Variants in C3orf22 observed in about 807,000 individuals in gnomAD.
The protein encoded by C3orf22 is uncharacterized protein C3orf22.
C3orf22 carries 7 observed loss-of-function variants against 10.8 expected under a neutral mutation model. The ratio of observed to expected loss-of-function variants is 0.65; its 90% CI spans 0.37 to 1.22. C3orf22 has a LOEUF of 1.22. C3orf22 is among the 50% of genes most tolerant of loss of function. The pLI, the probability that C3orf22 is intolerant of heterozygous loss-of-function variation, is 0.02. For missense variants in C3orf22, 173 were observed against 177.0 expected, an observed-to-expected ratio of 0.98 and a Z score of 0.13; for synonymous variants, 79 against 78.9, an observed-to-expected ratio of 1.00 and a Z score of 0.00.
At chr3:126,545,512 T>C (rs1018637063), downstream of C3orf22, among the ~76,000 whole-genome samples, 4 of 152,380 alleles carry the variant, frequency 2.6e-5, no homozygotes, top group African/African-American at 9.6e-5. Context: ...GAGAGGGATG[T>C]TTCCAATGCT....
At chr3:126,549,434 T>C (rs568202268), downstream of C3orf22, 2 of 419,058 alleles carry the variant, frequency 4.8e-6, no homozygotes, top group African/African-American at 2.0e-5. Flanking sequence ...CCGGGAGTAG[T>C]TGTATAATTT....
chr3:126,543,749 T>A (rs1269152210), intron 4 of C3orf22, among the ~76,000 whole-genome samples: 1 of 151,938 alleles, frequency 6.6e-6, no homozygotes, highest in African/African-American at 2.4e-5. Flanking sequence ...AGGAATTGTG[T>A]GTATGTGTAT....
intron 4 of C3orf22, among the ~76,000 whole-genome samples, chr3:126,536,896 A>AACACAC (rs10670471): frequency 0.027 from 3,775 of 140,446 alleles, 170 homozygotes; most frequent in African/African-American, 0.091. Flanking sequence ...CACACACACA[A>AACACAC]ACACACACAC....
At chr3:126,541,532 G>A (rs1936955696) in intron 4 of C3orf22, among the ~76,000 whole-genome samples, 1 of 152,150 alleles carries the variant, frequency 6.6e-6, no homozygotes. Context: ...GTCAGAATCC[G>A]TTTCTCCCAA....
intron 1 of C3orf22, among the ~76,000 whole-genome samples, chr3:126,557,877 G>A (rs193230788): frequency 2.0e-5 from 3 of 152,224 alleles, no homozygotes; most frequent in Non-Finnish European, 2.9e-5. Flanking sequence ...CTGGCTAAAG[G>A]GGGTCTTGGT....
chr3:126,557,014 C>CCA (rs148453800), intron 1 of C3orf22, among the ~76,000 whole-genome samples: 1 of 151,520 alleles, frequency 6.6e-6, no homozygotes, highest in Non-Finnish European at 1.5e-5. Flanking sequence ...ACACACAGAC[C>CCA]CACACAAACT....
At chr3:126,546,449 C>T (rs375498501), downstream of C3orf22, among the ~76,000 whole-genome samples, 6 of 152,250 alleles carry the variant, frequency 3.9e-5, no homozygotes, top group South Asian at 2.1e-4. Context: ...TGCTATTTGG[C>T]GATGGGGCCT....
At chr3:126,536,317 G>A (rs1192615996) in intron 4 of C3orf22, 5 of 1,614,082 alleles carry the variant, frequency 3.1e-6, no homozygotes, top group Non-Finnish European at 4.2e-6. Flanking sequence ...GTGGGGAGAA[G>A]AGAAGCCCCC....
chr3:126,542,040 G>A, intron 4 of C3orf22: 1 of 1,573,872 alleles, frequency 6.4e-7, no homozygotes, highest in East Asian at 2.3e-5. Context: ...ATCAACCGGC[G>A]CCTGCGCGCC....
downstream of C3orf22, among the ~76,000 whole-genome samples, chr3:126,544,895 C>T (rs1231503619): frequency 6.6e-6 from 1 of 152,262 alleles, no homozygotes; most frequent in Non-Finnish European, 1.5e-5. Flanking sequence ...GTACCCTCTG[C>T]TGTATGTGCA....
chr3:126,552,132 C>T lies in C3orf22; in HGVS notation c.90-10G>A. On this transcript the variant is annotated splice_polypyrimidine_tract_variant and intron_variant, in intron 2 of 3. Coordinates refer to ENST00000318225, the MANE Select transcript of C3orf22 (RefSeq NM_152533.3). ...TGTCAGCCACGACAACCTGCAACAGCACTTGGAATGTCAACATGGCCACCA... is the reference window on the plus strand; with the variant it reads ...TGTCAGCCACGACAACCTGCAACAGTACTTGGAATGTCAACATGGCCACCA... The T allele has an allele frequency of 6.2e-7, 1 of 1,613,526 alleles. No individual in the cohort carries two copies.
intron 1 of C3orf22, among the ~76,000 whole-genome samples, chr3:126,557,030 A>ACT (rs1937362585): frequency 6.6e-6 from 1 of 151,876 alleles, no homozygotes; most frequent in African/African-American, 2.4e-5. Flanking sequence ...AAACTCACAT[A>ACT]CACATACACA....
intron 4 of C3orf22, chr3:126,542,407 C>G: frequency 6.4e-7 from 1 of 1,554,420 alleles, no homozygotes; most frequent in Non-Finnish European, 8.7e-7. Context: ...GCGCATCCGA[C>G]CTGAGCTTCC....
At chr3:126,555,199 T>C (rs1937298270) in intron 1 of C3orf22, among the ~76,000 whole-genome samples, 1 of 152,202 alleles carries the variant, frequency 6.6e-6, no homozygotes, top group South Asian at 2.1e-4. Context: ...GTTTGGCTCC[T>C]GTCCTCTCTC....
chr3:126,556,129 A>G (rs1006366597), intron 1 of C3orf22, among the ~76,000 whole-genome samples: 1 of 152,200 alleles, frequency 6.6e-6, no homozygotes, highest in Non-Finnish European at 1.5e-5. Context: ...ACCTGGCTTC[A>G]GCCTGAGATT....
At chr3:126,538,393 G>GGAAA (rs1560141503) in intron 4 of C3orf22, among the ~76,000 whole-genome samples, 1 of 152,104 alleles carries the variant, frequency 6.6e-6, no homozygotes, top group Non-Finnish European at 1.5e-5. Flanking sequence ...TTCACCCTAA[G>GGAAA]GGAGTCTTTC....
Position 126,538,339 on chromosome 3 carries a change from C to A in C3orf22, c.287-8967G>T, listed in dbSNP as rs150343400. Among the ~76,000 whole-genome samples the A allele has an allele frequency of 1.2e-4, 18 of 152,360 alleles. No individual in the cohort carries two copies. The East Asian group carries it at 3.5e-3, about 29-fold the overall frequency. ...CTGCAGACACCTCACAGGAGGGCAT[C>A]CCAGGCAGAAAGTGAGTGGTGGGGT... On this transcript the variant is annotated intron_variant and NMD_transcript_variant, in intron 4 of 5. Coordinates refer to the C3orf22 transcript ENST00000505070.
intron 4 of C3orf22, among the ~76,000 whole-genome samples, chr3:126,539,770 ACAG>A (rs1936896247): frequency 1.9e-5 from 1 of 51,546 alleles, no homozygotes; most frequent in African/African-American, 9.6e-5. Context: ...CACCACACAC[ACAG>A]CACACACACA....
chr3:126,546,685 GA>G (rs200693208), downstream of C3orf22, among the ~76,000 whole-genome samples: 975 of 152,198 alleles, frequency 6.4e-3, 11 homozygotes, highest in African/African-American at 0.022. Context: ...GCCTTCCTTG[GA>G]ACTGGGAGAA....
Sources: allele counts gnomAD v4.1 joint callset (sites outside exome capture counted in the v4.1 genomes callset), GRCh38; gene constraint gnomAD v4.1.1; transcripts MANE v1.5; gene names NCBI Gene and HGNC (gene_info 2026-07-23, HGNC 2026-07-21).